SORCS2: variants seen among roughly 807,000 people sequenced by gnomAD.
The protein encoded by SORCS2 is VPS10 domain-containing receptor SorCS2.
In SORCS2, 100 loss-of-function variants were observed where a neutral mutation model predicts 141.6. The ratio of observed to expected loss-of-function variants is 0.71; its 90% CI spans 0.60 to 0.83. SORCS2 has a LOEUF of 0.83. Ranked by LOEUF, SORCS2 falls within the 40% of genes least tolerant of loss-of-function variation. The pLI is 0.00. For missense variants in SORCS2, 1,646 were observed against 1,560.2 expected, an observed-to-expected ratio of 1.05 and a Z score of -0.93; for synonymous variants, 789 against 676.9, an observed-to-expected ratio of 1.17 and a Z score of -2.57.
At chr4:7,358,594 A>G (rs1392516118) in intron 1 of SORCS2, among the ~76,000 whole-genome samples, 1 of 152,114 alleles carries the variant, frequency 6.6e-6, no homozygotes, top group South Asian at 2.1e-4. Context: ...CCTTTGACCC[A>G]CCATGCATGA....
intron 2 of SORCS2, among the ~76,000 whole-genome samples, chr4:7,416,034 A>G (rs918361518): frequency 3.3e-5 from 5 of 152,152 alleles, no homozygotes; most frequent in African/African-American, 1.2e-4. Flanking sequence ...GAGGGACCCT[A>G]AGGAGTTTAG....
intron 1 of SORCS2, among the ~76,000 whole-genome samples, chr4:7,282,050 C>G (rs1194443228): frequency 6.6e-6 from 1 of 152,108 alleles, no homozygotes; most frequent in Non-Finnish European, 1.5e-5. Flanking sequence ...TCACTTTGGC[C>G]CCCACCGCAC....
At chr4:7,353,816 A>G (rs1721092937) in intron 1 of SORCS2, among the ~76,000 whole-genome samples, 1 of 152,180 alleles carries the variant, frequency 6.6e-6, no homozygotes, top group Admixed American at 6.5e-5. Context: ...ATGATATTTT[A>G]GCAGGACTTT....
intron 5 of SORCS2, among the ~76,000 whole-genome samples, chr4:7,657,613 GTGAGTCACTGAA>G (rs540478340): frequency 0.017 from 2,433 of 146,252 alleles, 68 homozygotes; most frequent in African/African-American, 0.06. Flanking sequence ...GAGTGGGTGA[GTGAGTCACTGAA>G]TGAGTTAGTG....
At chr4:7,512,368 G>A (rs1308155411) in intron 2 of SORCS2, among the ~76,000 whole-genome samples, 1 of 148,070 alleles carries the variant, frequency 6.8e-6, no homozygotes, top group African/African-American at 2.5e-5. Flanking sequence ...GAGGGATGGA[G>A]GGAGGGAGGG....
intron 1 of SORCS2, among the ~76,000 whole-genome samples, chr4:7,393,360 A>G (rs1723986632): frequency 6.6e-6 from 1 of 152,188 alleles, no homozygotes; most frequent in South Asian, 2.1e-4. Flanking sequence ...ACTGAAAAAA[A>G]CTGTCCCGGG....
rs1712679628 is a variant in SORCS2, at chr4:7,741,577, G to A, written c.*1313G>A. 1 of 241,296 alleles carries A rather than the reference G, an allele frequency of 4.1e-6. No individual in the cohort carries two copies. The highest frequency in any genetic ancestry group is 5.9e-5 in the Admixed American group (1 of 17,020). The allele number at this position is 241,296 out of a possible 1,614,324, so 14.9% of individuals were successfully genotyped here. ...TCCCTCTCAGAGGGGGAGAACGCCAGAGCCCTGGCTGGTGATGTGCTGGCT... is the reference window on the plus strand; with the variant it reads ...TCCCTCTCAGAGGGGGAGAACGCCAAAGCCCTGGCTGGTGATGTGCTGGCT... On this transcript the variant is annotated 3_prime_UTR_variant, in exon 27 of 27. Transcript: ENST00000507866.
chr4:7,516,634 G>A (rs12506611), intron 2 of SORCS2, among the ~76,000 whole-genome samples: 34 of 152,172 alleles, frequency 2.2e-4, no homozygotes, highest in Non-Finnish European at 3.5e-4. Context: ...CAGGACAGGC[G>A]TCGGGGCTGC....
chr4:7,680,099 G>A (rs558806160), intron 9 of SORCS2, among the ~76,000 whole-genome samples: 32 of 152,336 alleles, frequency 2.1e-4, no homozygotes, highest in African/African-American at 7.7e-4. Flanking sequence ...AGGGTTCTAT[G>A]AGCTTGTAAG....
At chr4:7,403,997 A>ATATATATATATAT (rs1265288820) in intron 2 of SORCS2, among the ~76,000 whole-genome samples, 25 of 18,910 alleles carry the variant, frequency 1.3e-3, no homozygotes, top group South Asian at 3.5e-3. Flanking sequence ...ATATATATAT[A>ATATATATATATAT]TTTTTTTTTT....
intron 26 of SORCS2, among the ~76,000 whole-genome samples, chr4:7,738,915 G>C (rs149498159): frequency 1.5e-4 from 23 of 152,032 alleles, no homozygotes; most frequent in African/African-American, 3.4e-4. Flanking sequence ...CCCCACCCCC[G>C]GTGGGGGTCC....
At chr4:7,255,709 A>G (rs1055702479) in intron 1 of SORCS2, among the ~76,000 whole-genome samples, 2 of 152,232 alleles carry the variant, frequency 1.3e-5, no homozygotes, top group African/African-American at 2.4e-5. Flanking sequence ...ATCTGTTCCA[A>G]TCTTTCATCT....
chr4:7,201,175 C>T lies in SORCS2; in HGVS notation c.480+8049C>T, dbSNP rs1727465432. Among the ~76,000 whole-genome samples the T allele has an allele frequency of 1.3e-5, 2 of 152,092 alleles. No homozygotes were observed. Among genetic ancestry groups the T allele is most frequent in the African/African-American group, 2.4e-5 (1 of 41,410 alleles). On this transcript the variant is annotated intron_variant, in intron 1 of 26. Coordinates refer to ENST00000507866, the MANE Select transcript of SORCS2 (RefSeq NM_020777.3). This position sits in a 1 kb window ranked among gnomAD's most constrained non-coding sequence, Gnocchi z 4.4. ...CTGCTCTGCAGGATGAGTAGAGTCC[C>T]GGGCTGAGGAGGAGGTTGGAATGGT...
chr4:7,567,275 T>G (rs576124985), intron 3 of SORCS2, among the ~76,000 whole-genome samples: 1 of 152,220 alleles, frequency 6.6e-6, no homozygotes, highest in East Asian at 1.9e-4. Flanking sequence ...TGTATTCAGA[T>G]TTCCTTAGTC....
chr4:7,434,473 G>T lies in SORCS2; in HGVS notation c.548+38118G>T. On this transcript the variant is annotated intron_variant, in intron 2 of 26. Transcript: ENST00000507866. ...CTGCAGCGGCTCACAGAGGCTGAGCGCTGTGCACACCTGTGCCGGGGCACT... is the reference window on the plus strand; with the variant it reads ...CTGCAGCGGCTCACAGAGGCTGAGCTCTGTGCACACCTGTGCCGGGGCACT... The T allele has an allele frequency of 2.5e-6, 4 of 1,611,542 alleles. No homozygotes were observed. The South Asian group carries it at 3.3e-5, about 13-fold the overall frequency.
At chr4:7,477,632 G>A (rs73212555) in intron 2 of SORCS2, among the ~76,000 whole-genome samples, 11,209 of 152,284 alleles carry the variant, frequency 0.074, 427 homozygotes, top group East Asian at 0.095. Flanking sequence ...TCAGTGTCAA[G>A]AACTGGAGTC....
At chr4:7,403,961 G>GTATGTATATATATATATATATATATA (rs1724757831) in intron 2 of SORCS2, among the ~76,000 whole-genome samples, 1 of 29,892 alleles carries the variant, frequency 3.3e-5, no homozygotes, top group East Asian at 8.6e-4. Flanking sequence ...CTCCATGTGT[G>GTATGTATATATATATATATATATATA]TATATATATA....
intron 3 of SORCS2, among the ~76,000 whole-genome samples, chr4:7,562,086 G>A (rs1405154859): frequency 6.6e-6 from 1 of 152,188 alleles, no homozygotes; most frequent in Non-Finnish European, 1.5e-5. Context: ...ACTTAGTATG[G>A]GGGCAGGCAG....
At chr4:7,553,530 C>T (rs1713880197) in intron 3 of SORCS2, among the ~76,000 whole-genome samples, 1 of 152,164 alleles carries the variant, frequency 6.6e-6, no homozygotes, top group African/African-American at 2.4e-5. Context: ...GATAGCAGAA[C>T]ATCATGAACT....
Sources: allele counts gnomAD v4.1 joint callset (sites outside exome capture counted in the v4.1 genomes callset), GRCh38; gene constraint gnomAD v4.1.1; non-coding constraint Gnocchi (gnomAD v3.1); transcripts MANE v1.5; gene names NCBI Gene and HGNC (gene_info 2026-07-23, HGNC 2026-07-21).